The following ANKRD17 variants were observed in gnomAD, a reference collection of about 807,000 sequenced individuals.
ANKRD17 encodes ankyrin repeat domain-containing protein 17.
ANKRD17 carries 19 observed loss-of-function variants against 229.7 expected under a neutral mutation model. That is an observed-to-expected ratio of 0.08 (90% CI 0.06 to 0.12). ANKRD17 has a LOEUF of 0.12. ANKRD17 is among the 10% of genes least tolerant of loss of function. ANKRD17 has a pLI of 1.00. For synonymous variants in ANKRD17, 1,112 were observed against 1,146.1 expected (o/e 0.97, Z 0.60); for missense variants, 2,176 against 3,176.8 (o/e 0.68, Z 7.57).
chr4:73,191,035 G>A (rs1037032867), intron 1 of ANKRD17, among the ~76,000 whole-genome samples: 3 of 152,044 alleles, frequency 2.0e-5, no homozygotes, highest in Non-Finnish European at 4.4e-5. Context: ...ATCCCAAAGG[G>A]ATTTTTAATG....
In ANKRD17 at chr4:73,092,256, G is replaced by A; in HGVS notation, c.5372C>T (p.Ala1791Val). Residue 1791 changes from alanine (A) to valine (V), a missense_variant, in exon 29 of 34, where the codon GCT (alanine) becomes GTT (valine). Physicochemically the swap from Ala to Val is moderately conservative, Grantham distance 64 (BLOSUM62 0). This residue lies in a region of ANKRD17 where 142 missense variants were observed against 200.4 expected (regional missense o/e 0.71). Coordinates refer to ENST00000358602, the MANE Select transcript of ANKRD17 (RefSeq NM_032217.5). Reference sequence around the variant, plus strand: ...TTCTTTGTCTGGATCCTTGATCAAAGCATTAATCAATTGAGTTGCTTGTCT... The same window carrying A: ...TTCTTTGTCTGGATCCTTGATCAAAACATTAATCAATTGAGTTGCTTGTCT... ...STRQATQLIN[A>V]LIKDPDKEID... The A allele has an allele frequency of 6.2e-7, 1 of 1,614,076 alleles. No homozygotes were observed. The highest frequency in any genetic ancestry group is 8.5e-7 in the Non-Finnish European group (1 of 1,180,008).
rs141461490 is a variant in ANKRD17, at chr4:73,191,111, T to C, written c.394-13578A>G. 3.7e-3 allele frequency among the ~76,000 whole-genome samples: 563 copies of C among 152,032 alleles called. 6 individuals are homozygous for C. The highest frequency in any genetic ancestry group is 0.012 in the African/African-American group (510 of 41,446). ...AATACACAAGAATTGCCAAAAAAAT[T>C]TGTTGAAAAAGACAATGGGGAGGGA... On this transcript the variant is annotated intron_variant, in intron 1 of 33. Coordinates refer to ENST00000358602, the MANE Select transcript of ANKRD17 (RefSeq NM_032217.5).
intron 1 of ANKRD17, among the ~76,000 whole-genome samples, chr4:73,240,806 CTTTTT>C (rs111961579): frequency 1.6e-5 from 2 of 127,054 alleles, no homozygotes. Context: ...AGTACTTATT[CTTTTT>C]TTTTTTTTTT....
At chr4:73,078,564 C>A in intron 31 of ANKRD17, 78 bp downstream of exon 31, 1 of 1,453,738 alleles carries the variant, frequency 6.9e-7, no homozygotes. Context: ...AAGGAAATGA[C>A]TATTAAAGTT....
intron 27 of ANKRD17, among the ~76,000 whole-genome samples, chr4:73,096,865 G>A (rs1260376106): frequency 6.6e-6 from 1 of 152,132 alleles, no homozygotes; most frequent in Non-Finnish European, 1.5e-5. Flanking sequence ...AAGGCTTTGA[G>A]ATAACGAAGC....
chr4:73,087,438 C>T (rs1198847082), intron 29 of ANKRD17, among the ~76,000 whole-genome samples: 2 of 152,168 alleles, frequency 1.3e-5, no homozygotes, highest in Non-Finnish European at 2.9e-5. Context: ...CTATATGATG[C>T]TCCTTCCTGA....
chr4:73,187,658 G>A (rs75038538), intron 1 of ANKRD17, among the ~76,000 whole-genome samples: 5,113 of 152,300 alleles, frequency 0.034, 140 homozygotes, highest in Middle Eastern at 0.058. Flanking sequence ...CTCCCACACT[G>A]TTGAGTGTAC....
chr4:73,080,703 T>C (rs1237296802), intron 30 of ANKRD17: 1 of 152,260 alleles, frequency 6.6e-6, no homozygotes, highest in Non-Finnish European at 1.5e-5. Flanking sequence ...TCCCCTAGGT[T>C]CATCCCTGGG....
rs575517573 is a variant in ANKRD17 at position 73,207,234 on chromosome 4, TATC to T, written c.394-29704_394-29702del. Among the ~76,000 whole-genome samples the T allele has an allele frequency of 3.2e-3, 480 of 152,264 alleles. 1 individual carries two copies. The highest frequency in any genetic ancestry group is 5.0e-3 in the Non-Finnish European group (337 of 68,016). ...TTTCACAATGTATACATATTTCAAATATCATGTTGTACACCAAAAATATATATA... is the reference window on the plus strand; with the variant it reads ...TTTCACAATGTATACATATTTCAAATATGTTGTACACCAAAAATATATATA... On this transcript the variant is annotated intron_variant, in intron 1 of 33. Coordinates refer to ENST00000358602, the MANE Select transcript of ANKRD17 (RefSeq NM_032217.5).
chr4:73,212,924 G>A (rs1740498153), intron 1 of ANKRD17, among the ~76,000 whole-genome samples: 1 of 151,556 alleles, frequency 6.6e-6, no homozygotes. Context: ...CTACTCGGGA[G>A]GCGGAGACAG....
intron 16 of ANKRD17, among the ~76,000 whole-genome samples, chr4:73,127,750 T>C (rs1287600048): frequency 1.3e-5 from 2 of 152,242 alleles, no homozygotes; most frequent in Non-Finnish European, 2.9e-5. Flanking sequence ...AGCAAGGGAC[T>C]ATATATGTAG....
At chr4:73,183,782 T>C (rs1735902036) in intron 1 of ANKRD17, among the ~76,000 whole-genome samples, 1 of 152,192 alleles carries the variant, frequency 6.6e-6, no homozygotes, top group Non-Finnish European at 1.5e-5. Flanking sequence ...TTTTTTTTTA[T>C]ACGAGTCTCT....
chr4:73,098,091 G>C lies in ANKRD17; in HGVS notation c.5003C>G (p.Ser1668Cys). The C allele has an allele frequency of 6.3e-7, 1 of 1,599,878 alleles. No homozygotes were observed. Residue 1668 changes from serine (S) to cysteine (C), a missense_variant, in exon 26 of 34, where the codon TCT becomes TGT. By Grantham distance (112) the Ser-to-Cys change is moderately radical. Coordinates refer to ENST00000358602, the MANE Select transcript of ANKRD17 (RefSeq NM_032217.5). ...TFPKEERKSV[S>C]GKASIKLSET... The stretch of plus-strand genomic sequence containing the variant: ...AACTAACTTTATTGAAGCCTTGCCA[G>C]AAACAGATTTTCTCTCTTCCTTTGG...
In ANKRD17 at chr4:73,097,290, A is replaced by G. The variant is rs1723408121; in HGVS notation, c.5022-18T>C. ...CTGACAATCTTTAACAAAGAGAGGG[A>G]AAGTACATTAAATATGGAACAGATG... On this transcript the variant is annotated intron_variant, in intron 26 of 33. Coordinates refer to ENST00000358602, the MANE Select transcript of ANKRD17 (RefSeq NM_032217.5). 1.3e-6 allele frequency: 2 copies of G among 1,556,150 alleles called. No homozygotes were observed. Among genetic ancestry groups the G allele is most frequent in the Non-Finnish European group, 1.7e-6 (2 of 1,155,404 alleles).
Position 73,141,730 on chromosome 4 carries a change from G to A in ANKRD17, c.2332+11C>T. On this transcript the variant is annotated intron_variant, in intron 14 of 33. Coordinates refer to ENST00000358602, the MANE Select transcript of ANKRD17 (RefSeq NM_032217.5). ...ACCAAGTAAGAAACAGTCTTTAGAAGTATAACTGACCTTTATTCCTGATGG... is the reference window on the plus strand; with the variant it reads ...ACCAAGTAAGAAACAGTCTTTAGAAATATAACTGACCTTTATTCCTGATGG... The A allele has an allele frequency of 1.2e-6, 2 of 1,607,874 alleles. No homozygotes were observed. The highest frequency in any genetic ancestry group is 1.7e-6 in the Non-Finnish European group (2 of 1,174,458).
intron 1 of ANKRD17, among the ~76,000 whole-genome samples, chr4:73,232,035 G>C (rs565387314): frequency 1.3e-5 from 2 of 152,264 alleles, no homozygotes; most frequent in East Asian, 3.9e-4. Flanking sequence ...ACAATAAAAT[G>C]TATTAAACAT....
intron 1 of ANKRD17, among the ~76,000 whole-genome samples, chr4:73,201,266 T>C (rs1560712468): frequency 6.6e-6 from 1 of 152,054 alleles, no homozygotes; most frequent in Non-Finnish European, 1.5e-5. Flanking sequence ...AAAAATTCTC[T>C]AGAAAAATAA....
At position 73,142,703 on chromosome 4, in the gene ANKRD17, C is replaced by G. The variant is rs575175844; in HGVS notation, c.2022G>C (p.Gly674=). ...DHTVLSLACA[G]GHLAVVELLL... ...GTAGTTCCACCACTGCCAGATGACC[C>G]CCTGCACAAGCCAGGGACAGTACAG... Residue 674 remains glycine, a synonymous_variant, in exon 12 of 34, where the codon GGG becomes GGC. Coordinates refer to ENST00000358602, the MANE Select transcript of ANKRD17 (RefSeq NM_032217.5). The G allele has an allele frequency of 1.2e-6, 2 of 1,613,964 alleles. No individual in the cohort carries two copies. The highest frequency in any genetic ancestry group is 3.3e-5 in the Admixed American group (2 of 59,994).
intron 1 of ANKRD17, among the ~76,000 whole-genome samples, chr4:73,230,707 T>C (rs1045217190): frequency 4.6e-5 from 7 of 152,198 alleles, no homozygotes; most frequent in African/African-American, 1.4e-4. Context: ...ATGTGTCCTA[T>C]GTACAGAATG....
Sources: allele counts gnomAD v4.1 joint callset (sites outside exome capture counted in the v4.1 genomes callset), GRCh38; gene constraint gnomAD v4.1.1; regional missense constraint gnomAD v4.1.1; transcripts MANE v1.5; gene names NCBI Gene and HGNC (gene_info 2026-07-23, HGNC 2026-07-21).